The following DET1 variants were observed in gnomAD, a reference collection of about 807,000 sequenced individuals.
DET1 encodes the protein DET1 homolog.
DET1 carries 22 observed loss-of-function variants against 43.7 expected under a neutral mutation model. The observed-to-expected ratio is 0.50, with a 90% CI of 0.36 to 0.72. The LOEUF (loss-of-function observed/expected upper bound fraction) is 0.72. DET1 is among the 30% of genes least tolerant of loss of function. The pLI is 0.00. For synonymous variants in DET1, 315 were observed against 266.2 expected (o/e 1.18, Z -1.79); for missense variants, 713 against 713.3 (o/e 1.00, Z 0.00).
chr15:88,539,315 C>G (rs1157799716), intron 1 of DET1, among the ~76,000 whole-genome samples: 3 of 151,940 alleles, frequency 2.0e-5, no homozygotes, highest in Admixed American at 1.3e-4. Context: ...AAGGCAGCAT[C>G]GGACATAGCT....
chr15:88,536,077 T>G (rs1270454492), intron 1 of DET1, among the ~76,000 whole-genome samples: 1 of 152,098 alleles, frequency 6.6e-6, no homozygotes, highest in Non-Finnish European at 1.5e-5. Flanking sequence ...CCTATAGAGG[T>G]GCAACAATTC....
chr15:88,524,623 C>A (rs1476359791), intron 3 of DET1, among the ~76,000 whole-genome samples: 2 of 152,146 alleles, frequency 1.3e-5, no homozygotes, highest in African/African-American at 2.4e-5. Context: ...AAGAAAAATT[C>A]TTATCCTGTT....
chr15:88,527,665 A>G lies in DET1; in HGVS notation c.1205T>C (p.Leu402Pro). ...GCAGGGAAACTGAACTTCACTGTGC[A>G]GGGTAGCATTACGAAAAAGGTCACA... ...NFCDLFRNAT[L>P]HSEVQFPCSA... The change falls in exon 3 of 5, where the codon CTG becomes CCG. Residue 402 changes from leucine to proline, a missense_variant. By Grantham distance (98) the Leu-to-Pro change is moderately conservative (BLOSUM62 -3). Transcript: ENST00000268148. 6.2e-7 allele frequency: 1 copy of G among 1,613,778 alleles called. No homozygotes were observed.
chr15:88,545,804 C>G (rs543768405), intron 1 of DET1, among the ~76,000 whole-genome samples: 10 of 151,722 alleles, frequency 6.6e-5, no homozygotes, highest in Admixed American at 3.9e-4. Flanking sequence ...CATCTTGGCT[C>G]TTTCACTGGC....
At chr15:88,530,290 A>T (rs1404086353) in intron 2 of DET1, among the ~76,000 whole-genome samples, 2 of 152,196 alleles carry the variant, frequency 1.3e-5, no homozygotes, top group Non-Finnish European at 1.5e-5. Flanking sequence ...AGTCTTACAA[A>T]ATCAAGGGAG....
At position 88,534,345 on chromosome 15, in the gene DET1, A is replaced by T. The variant is rs144619491; in HGVS notation, c.-10-2630T>A. Among the ~76,000 whole-genome samples the T allele has an allele frequency of 2.3e-3, 346 of 152,328 alleles. 2 individuals carry two copies. The highest frequency in any genetic ancestry group is 8.0e-3 in the African/African-American group (334 of 41,564). ...AATGCAGCTATAAAACCTAGACAGAATGCATAAGACAGGCATATGAGAAAA... is the reference window on the plus strand; with the variant it reads ...AATGCAGCTATAAAACCTAGACAGATTGCATAAGACAGGCATATGAGAAAA... On this transcript the variant is annotated intron_variant, in intron 1 of 4. Transcript: ENST00000268148.
At chr15:88,518,010 T>C (rs1003119712) in intron 3 of DET1, among the ~76,000 whole-genome samples, 1 of 152,080 alleles carries the variant, frequency 6.6e-6, no homozygotes, top group Non-Finnish European at 1.5e-5. Flanking sequence ...AACCCCAGCT[T>C]ACTGCAACCT....
intron 4 of DET1, among the ~76,000 whole-genome samples, chr15:88,513,848 G>A (rs905199634): frequency 7.4e-6 from 1 of 135,148 alleles, no homozygotes; most frequent in African/African-American, 2.9e-5. Context: ...CGCCCAGGCT[G>A]GAGTGCAGTG....
At chr15:88,502,566 G>C (rs1328841409) in intron 8 of DET1, 3 of 152,266 alleles carry the variant, frequency 2.0e-5, no homozygotes, top group African/African-American at 7.2e-5. Context: ...GCTCACTAGA[G>C]TTAATGTGTG....
At chr15:88,517,227 T>TG (rs1209735321) in intron 3 of DET1, among the ~76,000 whole-genome samples, 1 of 148,846 alleles carries the variant, frequency 6.7e-6, no homozygotes, top group Non-Finnish European at 1.5e-5. Context: ...GTTTTGGGTT[T>TG]TTTTTTTTTT....
At chr15:88,543,429 T>C (rs569224310) in intron 1 of DET1, among the ~76,000 whole-genome samples, 1 of 152,344 alleles carries the variant, frequency 6.6e-6, no homozygotes, top group African/African-American at 2.4e-5. Context: ...TGAATCAGCC[T>C]CGTTTGACTT....
At chr15:88,510,731 G>A (rs1410003841), downstream of DET1, among the ~76,000 whole-genome samples, 1 of 150,110 alleles carries the variant, frequency 6.7e-6, no homozygotes, top group African/African-American at 2.5e-5. Flanking sequence ...AGAAGCAACT[G>A]TATTGTTTGT....
At chr15:88,544,515 C>T (rs2057195505) in intron 1 of DET1, among the ~76,000 whole-genome samples, 1 of 152,196 alleles carries the variant, frequency 6.6e-6, no homozygotes, top group Non-Finnish European at 1.5e-5. Context: ...TTCAAGGAAA[C>T]CATCCCAATC....
chr15:88,545,956 T>C (rs1481418494), intron 1 of DET1, among the ~76,000 whole-genome samples: 3 of 151,354 alleles, frequency 2.0e-5, no homozygotes, highest in South Asian at 2.1e-4. Context: ...GCCCCACGTC[T>C]ATCACCTTGT....
At chr15:88,506,006 T>C (rs982401888) in intron 7 of DET1, among the ~76,000 whole-genome samples, 2 of 152,108 alleles carry the variant, frequency 1.3e-5, no homozygotes, top group African/African-American at 4.8e-5. Flanking sequence ...GGCAAGCTTA[T>C]GTCAGGTGGT....
chr15:88,533,983 T>C (rs553562098), intron 1 of DET1, among the ~76,000 whole-genome samples: 1 of 151,718 alleles, frequency 6.6e-6, no homozygotes, highest in South Asian at 2.1e-4. Flanking sequence ...GAGAAGGTGC[T>C]GTTGAATGGG....
At chr15:88,524,584 AC>A (rs2056609776) in intron 3 of DET1, among the ~76,000 whole-genome samples, 1 of 152,258 alleles carries the variant, frequency 6.6e-6, no homozygotes, top group East Asian at 1.9e-4. Context: ...AAAGAGGTAG[AC>A]ATGGGAGACT....
chr15:88,513,415 G>C (rs2056247785), intron 4 of DET1, among the ~76,000 whole-genome samples: 1 of 152,028 alleles, frequency 6.6e-6, no homozygotes, highest in South Asian at 2.1e-4. Context: ...CTTAATTATA[G>C]CCTCTCCGCT....
Position 88,525,896 on chromosome 15 carries a change from T to G in DET1, c.1271+1703A>C, listed in dbSNP as rs192944196. On this transcript the variant is annotated intron_variant, in intron 3 of 4. Transcript: ENST00000268148. ...TTTGTCATGTTTCCTAGGCTGGTCT[T>G]GAAACTTGGACTCAAGCAATCCACC... Among the ~76,000 whole-genome samples the G allele has an allele frequency of 2.4e-3, 365 of 151,300 alleles. 7 individuals carry two copies. The highest frequency in any genetic ancestry group is 0.021 in the Admixed American group (319 of 15,172).
Sources: allele counts gnomAD v4.1 joint callset (sites outside exome capture counted in the v4.1 genomes callset), GRCh38; gene constraint gnomAD v4.1.1; transcripts MANE v1.5; gene names NCBI Gene and HGNC (gene_info 2026-07-23, HGNC 2026-07-21).